Variants in PER3 observed in about 807,000 individuals in gnomAD.
PER3 encodes the protein period circadian protein homolog 3.
A neutral mutation model predicts 127.2 loss-of-function variants in PER3; 107 were observed. The observed-to-expected ratio is 0.84, with a 90% CI of 0.72 to 0.99. The LOEUF is 0.99. Ranked by LOEUF, PER3 falls within the 50% of genes least tolerant of loss-of-function variation. The pLI, the probability that PER3 is intolerant of heterozygous loss-of-function variation, is 0.00. For missense variants in PER3, 1,560 were observed against 1,525.8 expected, an observed-to-expected ratio of 1.02 and a Z score of -0.37; for synonymous variants, 618 against 585.8, an observed-to-expected ratio of 1.05 and a Z score of -0.79.
chr1:7,795,308 G>A (rs1577670905), intron 6 of PER3, among the ~76,000 whole-genome samples: 2 of 152,312 alleles, frequency 1.3e-5, no homozygotes, highest in East Asian at 1.9e-4. Context: ...CTTGCCTCAC[G>A]TACCTTAAAT....
rs995640246 is a variant in PER3 at position 7,810,020 on chromosome 1, A to T, written c.1370A>T (p.Gln457Leu). The T allele has an allele frequency of 2.5e-6, 4 of 1,613,190 alleles. No individual in the cohort carries two copies. The African/African-American group carries it at 4.0e-5, about 16-fold the overall frequency. Residue 457 changes from glutamine to leucine, a missense_variant and splice_region_variant, in exon 12 of 22, where the codon CAG (glutamine) becomes CTG (leucine). Physicochemically the swap from Gln to Leu is moderately radical, Grantham distance 113. Coordinates refer to ENST00000377532, the MANE Select transcript of PER3 (RefSeq NM_001377275.1). ...CGTGTGGAGGAGACGAAGGCGGAGC[A>T]GGTGCATGGGCTTATGTCACATTCT... ...GHRVEETKAE[Q>L]MTLQQVYASV...
intron 7 of PER3, 95 bp downstream of exon 7, chr1:7,798,768 T>C (rs1398897363): frequency 1.0e-6 from 1 of 955,548 alleles, no homozygotes; most frequent in African/African-American, 1.6e-5. Flanking sequence ...AAAGAGCTCT[T>C]GGGTCTCCAA....
chr1:7,794,817 A>G (rs1282294141), intron 6 of PER3, among the ~76,000 whole-genome samples: 1 of 151,212 alleles, frequency 6.6e-6, no homozygotes, highest in African/African-American at 2.4e-5. Context: ...TATCTTCTAA[A>G]TTTGCTGCAA....
intron 4 of PER3, chr1:7,787,290 C>A (rs2097096260): frequency 7.3e-6 from 2 of 274,036 alleles, no homozygotes; most frequent in South Asian, 7.4e-5. Flanking sequence ...TTGGAAGAGA[C>A]CTTTAGTATA....
chr1:7,805,068 A>C (rs1461331247), intron 10 of PER3, among the ~76,000 whole-genome samples: 1 of 152,044 alleles, frequency 6.6e-6, no homozygotes, highest in African/African-American at 2.4e-5. Flanking sequence ...AGGTTTCACC[A>C]TGTTGGCCAG....
intron 21 of PER3, among the ~76,000 whole-genome samples, chr1:7,841,340 A>T (rs971395801): frequency 1.3e-5 from 2 of 151,810 alleles, no homozygotes; most frequent in Non-Finnish European, 2.9e-5. Flanking sequence ...TAACATAGTA[A>T]TTCTGGAAAC....
chr1:7,806,819 A>ATATATATATG (rs1553309941), intron 10 of PER3, among the ~76,000 whole-genome samples: 1 of 137,260 alleles, frequency 7.3e-6, no homozygotes, highest in Non-Finnish European at 1.5e-5. Flanking sequence ...AAAAATATAT[A>ATATATATATG]TATATATATA....
chr1:7,826,212 GGAGA>G lies in PER3; in HGVS notation c.1958-263_1958-260del, dbSNP rs1175256771. Among the ~76,000 whole-genome samples the G allele has an allele frequency of 6.6e-6, 1 of 152,066 alleles. No homozygotes were observed. Among genetic ancestry groups the G allele is most frequent in the African/African-American group, 2.4e-5 (1 of 41,402 alleles). ...TAAAAAGAAATTTTGAAGAATTCAG[GGAGA>G]GAGAAAAATGTTTACAATAAAAGCA... On this transcript the variant is annotated intron_variant, in intron 16 of 21. Transcript: ENST00000377532. The surrounding 1 kb of genome is among the most constrained non-coding windows in gnomAD (Gnocchi z 4.2).
intron 18 of PER3, among the ~76,000 whole-genome samples, chr1:7,828,630 T>C (rs547424932): frequency 6.6e-6 from 1 of 152,340 alleles, no homozygotes; most frequent in African/African-American, 2.4e-5. Context: ...GAAGGCAGTA[T>C]ATTACAGTGA....
chr1:7,808,766 T>A (rs1436806031), intron 10 of PER3, 127 bp from the exon 11 acceptor site: 3 of 651,312 alleles, frequency 4.6e-6, no homozygotes, highest in Non-Finnish European at 8.3e-6. Flanking sequence ...TCTAGCCTCA[T>A]ATTTTTTCTT....
intron 19 of PER3, 47 bp downstream of exon 19, chr1:7,830,208 T>C (rs756006623): frequency 6.7e-7 from 1 of 1,498,492 alleles, no homozygotes. Context: ...TGCCAGACAT[T>C]CACTATGTGC....
chr1:7,842,632 TTGA>T, intron 21 of PER3, 37 bp from the exon 22 acceptor site: 1 of 1,610,188 alleles, frequency 6.2e-7, no homozygotes, highest in Non-Finnish European at 8.5e-7. Context: ...TTAGGTGACA[TTGA>T]CATCAAGTAA....
At position 7,810,214 on chromosome 1, in the gene PER3, T is replaced by G. The variant is rs185403451; in HGVS notation, c.1371+193T>G. ...TCACCTTTGGAAAGTGATATTTGAA[T>G]TAATTGTATGCGTTCTAAAAATTAG... On this transcript the variant is annotated intron_variant, in intron 12 of 21. Coordinates refer to ENST00000377532, the MANE Select transcript of PER3 (RefSeq NM_001377275.1). The G allele has an allele frequency of 7.6e-6, 5 of 658,210 alleles. No homozygotes were observed. The East Asian group carries it at 1.1e-4, about 15-fold the overall frequency. 40.8% of individuals were successfully genotyped at this position (658,210 alleles called of 1,614,324 possible).
chr1:7,820,793 CATT>C (rs2097273134), intron 16 of PER3, among the ~76,000 whole-genome samples, 153 bp downstream of exon 16: 2 of 152,292 alleles, frequency 1.3e-5, no homozygotes. Flanking sequence ...TTTCTGGAAA[CATT>C]ATCATGTTTA....
Position 7,844,023 on chromosome 1 carries a change from AAACT to A in PER3, c.*1271_*1274del, listed in dbSNP as rs992903567. ...CTGTTGTCTTTATATAACTTGCAAC[AAACT>A]AATTTATTTTTTTTTCCTTTTTTTG... On this transcript the variant is annotated 3_prime_UTR_variant, in exon 22 of 22. Transcript: ENST00000377532. 4 of 1,082,136 alleles carry A rather than the reference AAACT, an allele frequency of 3.7e-6. No individual in the cohort carries two copies. The Admixed American group carries it at 1.5e-4, about 40-fold the overall frequency. The allele number at this position is 1,082,136 out of a possible 1,614,324, so 67.0% of individuals were successfully genotyped here.
intron 5 of PER3, among the ~76,000 whole-genome samples, chr1:7,792,634 C>A (rs1409602576): frequency 6.6e-6 from 1 of 152,178 alleles, no homozygotes; most frequent in Non-Finnish European, 1.5e-5. Context: ...TTACCCCCTT[C>A]GATTCCTTAC....
At chr1:7,807,496 C>A (rs2097199986) in intron 10 of PER3, among the ~76,000 whole-genome samples, 1 of 152,176 alleles carries the variant, frequency 6.6e-6, no homozygotes, top group Non-Finnish European at 1.5e-5. Context: ...CTGCATGTAT[C>A]AGTTGAGAAA....
intron 13 of PER3, chr1:7,811,616 C>G (rs1251624694): frequency 6.6e-6 from 1 of 152,262 alleles, no homozygotes; most frequent in Non-Finnish European, 1.5e-5. Context: ...TCACATGGCA[C>G]AAGGGACAGA....
rs2097332486 is a variant in PER3 at position 7,831,756 on chromosome 1, A to G, written c.3214+1595A>G. 2.0e-5 allele frequency among the ~76,000 whole-genome samples: 3 copies of G among 152,104 alleles called. No individual in the cohort carries two copies. The South Asian group carries it at 6.2e-4, about 32-fold the overall frequency. On this transcript the variant is annotated intron_variant, in intron 19 of 21. Coordinates refer to ENST00000377532, the MANE Select transcript of PER3 (RefSeq NM_001377275.1). ...ACCTTGCATTTGGTCATGCTCTTTT[A>G]TCCTTTTTTATATGTTGTTGGATTA...
Sources: gnomAD v4.1 joint callset for allele counts (sites outside exome capture counted in the v4.1 genomes callset) on GRCh38, gnomAD v4.1.1 for gene constraint, Gnocchi (gnomAD v3.1) non-coding constraint, MANE v1.5 for transcripts, NCBI Gene and HGNC (gene_info 2026-07-23, HGNC 2026-07-21) for gene names.